The following TPRG1 variants were observed in gnomAD, a reference collection of about 807,000 sequenced individuals.
TPRG1 encodes the protein tumor protein p63-regulated gene 1 protein.
In TPRG1, 29 loss-of-function variants were observed where a neutral mutation model predicts 29.3. That is an observed-to-expected ratio of 0.99 (90% confidence interval 0.74 to 1.35). The LOEUF (loss-of-function observed/expected upper bound fraction) is 1.35, where lower values mean the gene tolerates loss of function less well. Among genes scored for constraint, TPRG1 ranks in the 40% most tolerant of loss-of-function variants. The probability of loss-of-function intolerance (pLI) is 0.00; values close to 1 mark genes in which losing one functional copy is unlikely to be tolerated. For missense variants in TPRG1, 327 were observed against 335.0 expected (o/e 0.98, Z 0.19); for synonymous variants, 130 against 116.8 (o/e 1.11, Z -0.73).
rs1040987543 is a variant in TPRG1, at chr3:189,068,604, G to A, written c.-463+44658G>A. ...AGCCTGGCCAACATAGTGAAACCCC[G>A]TCTCTACTAAAAATATAAAAAATTA... On this transcript the variant is annotated intron_variant, in intron 4 of 10. Transcript: ENST00000433971. Among the ~76,000 whole-genome samples, 11 of 152,228 alleles carry A rather than the reference G, an allele frequency of 7.2e-5. No individual in the cohort carries two copies. The South Asian group carries it at 1.5e-3, about 20-fold the overall frequency.
At chr3:189,301,468 A>G (rs1560673695) in intron 4 of TPRG1, among the ~76,000 whole-genome samples, 1 of 152,160 alleles carries the variant, frequency 6.6e-6, no homozygotes, top group South Asian at 2.1e-4. Flanking sequence ...TTAACAGAAA[A>G]TTAAGGTGCA....
intron 4 of TPRG1, among the ~76,000 whole-genome samples, chr3:189,277,207 T>C (rs901174170): frequency 3.3e-5 from 5 of 152,200 alleles, no homozygotes; most frequent in Non-Finnish European, 5.9e-5. Context: ...CTCCAAGGGC[T>C]TTTAAAGCAT....
intron 4 of TPRG1, among the ~76,000 whole-genome samples, chr3:189,278,904 A>G (rs1332866436): frequency 6.6e-6 from 1 of 152,224 alleles, no homozygotes; most frequent in Non-Finnish European, 1.5e-5. Flanking sequence ...TTCCAGTCCC[A>G]AGTACTTATG....
Position 189,266,474 on chromosome 3 carries a change from C to T in TPRG1, c.479+27565C>T, listed in dbSNP as rs546787409. On this transcript the variant is annotated intron_variant, in intron 4 of 5. Coordinates refer to ENST00000345063, the MANE Select transcript of TPRG1 (RefSeq NM_198485.4). ...GGCCTGTTACTCTGTGACAAACTAACGGAGAGCTGGAGCCAGTTTTCTGGT... is the reference window on the plus strand; with the variant it reads ...GGCCTGTTACTCTGTGACAAACTAATGGAGAGCTGGAGCCAGTTTTCTGGT... Among the ~76,000 whole-genome samples, 17 of 152,192 alleles carry T rather than the reference C, an allele frequency of 1.1e-4. No homozygotes were observed. The East Asian group carries it at 2.1e-3, about 19-fold the overall frequency.
chr3:189,277,115 C>T (rs1341969541), intron 4 of TPRG1, among the ~76,000 whole-genome samples: 1 of 152,134 alleles, frequency 6.6e-6, no homozygotes, highest in Non-Finnish European at 1.5e-5. Context: ...GAGGAAGTAA[C>T]ATGGAACAGG....
intron 4 of TPRG1, among the ~76,000 whole-genome samples, chr3:189,045,857 G>T (rs1714941852): frequency 6.6e-6 from 1 of 152,200 alleles, no homozygotes; most frequent in South Asian, 2.1e-4. Context: ...CAGAGGCTTG[G>T]CATTTGGGCA....
At chr3:189,094,074 C>T (rs1718514551) in intron 4 of TPRG1, among the ~76,000 whole-genome samples, 1 of 152,162 alleles carries the variant, frequency 6.6e-6, no homozygotes, top group Admixed American at 6.5e-5. Context: ...GAGTTTCTAC[C>T]ATGGGCCTTG....
At chr3:189,219,727 C>G in intron 3 of TPRG1, 1 of 1,234,074 alleles carries the variant, frequency 8.1e-7, no homozygotes, top group Non-Finnish European at 1.0e-6. Context: ...CATCTTCCCT[C>G]CACACACGTT....
At chr3:189,199,973 G>T (rs1733193235) in intron 1 of TPRG1, among the ~76,000 whole-genome samples, 1 of 152,320 alleles carries the variant, frequency 6.6e-6, no homozygotes, top group South Asian at 2.1e-4. Flanking sequence ...CCTTTATTTT[G>T]TAGAGAGGAA....
intron 4 of TPRG1, among the ~76,000 whole-genome samples, chr3:189,060,038 A>G (rs1008431587): frequency 1.3e-5 from 2 of 152,132 alleles, no homozygotes; most frequent in Admixed American, 1.3e-4. Context: ...TTTGAGACCA[A>G]CCTGACCAAC....
At chr3:189,319,429 C>T (rs530483750) in intron 5 of TPRG1, among the ~76,000 whole-genome samples, 1 of 152,142 alleles carries the variant, frequency 6.6e-6, no homozygotes, top group South Asian at 2.1e-4. Flanking sequence ...TCGCTATCTA[C>T]CCAGTTGCTC....
chr3:189,014,303 A>AT (rs1011598792), intron 3 of TPRG1, among the ~76,000 whole-genome samples: 26 of 151,838 alleles, frequency 1.7e-4, no homozygotes, highest in Admixed American at 1.7e-3. Flanking sequence ...CTTGGTTGAT[A>AT]TTTTTTTCCT....
intron 3 of TPRG1, among the ~76,000 whole-genome samples, chr3:189,012,376 T>TTTA (rs55947856): frequency 0.98 from 149,559 of 152,276 alleles, 73,505 homozygotes; most frequent in East Asian, 1. Context: ...CTTTTCTGCA[T>TTTA]TTGAGATAAT....
intron 1 of TPRG1, among the ~76,000 whole-genome samples, chr3:189,120,888 T>G (rs748613221): frequency 3.9e-5 from 6 of 152,236 alleles, no homozygotes; most frequent in African/African-American, 7.2e-5. Flanking sequence ...GTCTTGTTAG[T>G]ATTTCTGCAG....
intron 3 of TPRG1, among the ~76,000 whole-genome samples, chr3:189,137,628 CT>C: frequency 6.6e-6 from 1 of 152,128 alleles, no homozygotes; most frequent in East Asian, 1.9e-4. Flanking sequence ...GAAGGATAAT[CT>C]TTCTTGGGGG....
At chr3:189,196,642 G>T (rs1045898849) in intron 1 of TPRG1, among the ~76,000 whole-genome samples, 5 of 152,014 alleles carry the variant, frequency 3.3e-5, no homozygotes, top group East Asian at 1.9e-4. Flanking sequence ...CCTCCCACTG[G>T]GTCCCTCCCA....
chr3:189,022,471 G>A (rs1311337330), intron 3 of TPRG1, among the ~76,000 whole-genome samples: 1 of 151,318 alleles, frequency 6.6e-6, no homozygotes, highest in Admixed American at 6.6e-5. Context: ...TCAGCTGCAG[G>A]TCTGTTGGAG....
intron 3 of TPRG1, among the ~76,000 whole-genome samples, chr3:189,229,288 A>G (rs1259741666): frequency 1.3e-5 from 2 of 151,376 alleles, no homozygotes; most frequent in Admixed American, 6.5e-5. Flanking sequence ...ATTTGTGTGG[A>G]AAGACCAAAA....
intron 4 of TPRG1, among the ~76,000 whole-genome samples, chr3:189,259,482 T>C (rs1320799270): frequency 6.8e-6 from 1 of 146,668 alleles, no homozygotes; most frequent in Non-Finnish European, 1.5e-5. Context: ...TTTTTTTTTT[T>C]TTTACGAAGT....
Sources: allele counts gnomAD v4.1 joint callset (sites outside exome capture counted in the v4.1 genomes callset), GRCh38; gene constraint gnomAD v4.1.1; transcripts MANE v1.5; gene names NCBI Gene and HGNC (gene_info 2026-07-23, HGNC 2026-07-21).